The following CRMP1 variants were observed in gnomAD, a reference collection of about 807,000 sequenced individuals.
The protein encoded by CRMP1 is collapsin response mediator protein 1.
A neutral mutation model predicts 68.3 loss-of-function variants in CRMP1; 19 were observed. That is an observed-to-expected ratio of 0.28 (90% CI 0.19 to 0.41). CRMP1 has a LOEUF of 0.41. CRMP1 is among the 10% of genes least tolerant of loss of function. The pLI, the probability that CRMP1 is intolerant of heterozygous loss-of-function variation, is 1.00. For missense variants in CRMP1, 791 were observed against 967.4 expected, an observed-to-expected ratio of 0.82 and a Z score of 2.42; for synonymous variants, 439 against 399.6, an observed-to-expected ratio of 1.10 and a Z score of -1.18.
intron 11 of CRMP1, among the ~76,000 whole-genome samples, chr4:5,829,388 C>G (rs906508794): frequency 6.6e-6 from 1 of 151,904 alleles, no homozygotes; most frequent in Non-Finnish European, 1.5e-5. Flanking sequence ...GACTCTGTCT[C>G]CAGAAAAAAA....
rs933697324 is a variant in CRMP1 at position 5,893,053 on chromosome 4, C to G, written c.-84G>C. On this transcript the variant is annotated 5_prime_UTR_variant, in exon 1 of 14. Transcript: ENST00000324989. The stretch of plus-strand genomic sequence containing the variant: ...CCGCCGTGCGCCGCGCTCCGCGCCT[C>G]GGTGCGGGCCTGCGGCGGCCCGGGC... 25 of 927,418 alleles carry G rather than the reference C, an allele frequency of 2.7e-5. No homozygotes were observed. Among genetic ancestry groups the G allele is most frequent in the South Asian group, 4.9e-5 (1 of 20,606 alleles). 57.4% of individuals were successfully genotyped at this position (927,418 alleles called of 1,614,324 possible).
At position 5,865,465 on chromosome 4, in the gene CRMP1, C is replaced by A. The variant is rs1042223420; in HGVS notation, c.470+1203G>T. Among the ~76,000 whole-genome samples, 3 of 151,676 alleles carry A rather than the reference C, an allele frequency of 2.0e-5. No individual in the cohort carries two copies. The highest frequency in any genetic ancestry group is 4.4e-5 in the Non-Finnish European group (3 of 67,882). On this transcript the variant is annotated intron_variant, in intron 2 of 13. Coordinates refer to ENST00000324989, the MANE Select transcript of CRMP1 (RefSeq NM_001014809.3). The surrounding 1 kb of genome is among the most constrained non-coding windows in gnomAD (Gnocchi z 4.1). ...TGAAACCCCCGTCTCTACTAAAATG[C>A]AAAAAAGTAGCGGGGCATGGTGATG...
chr4:5,840,913 C>T (rs887862799), intron 8 of CRMP1, among the ~76,000 whole-genome samples: 2 of 152,206 alleles, frequency 1.3e-5, no homozygotes, highest in South Asian at 2.1e-4. Flanking sequence ...AGTCCTGAGC[C>T]GCATGTGGCC....
chr4:5,840,903 A>G (rs1400500712), intron 8 of CRMP1, among the ~76,000 whole-genome samples: 1 of 152,192 alleles, frequency 6.6e-6, no homozygotes, highest in Non-Finnish European at 1.5e-5. Context: ...CCAATAAGGC[A>G]GTCCTGAGCC....
At position 5,865,911 on chromosome 4, in the gene CRMP1, G is replaced by C. The variant is rs890768560; in HGVS notation, c.470+757C>G. Among the ~76,000 whole-genome samples, 1 of 152,116 alleles carries C rather than the reference G, an allele frequency of 6.6e-6. No individual in the cohort carries two copies. The highest frequency in any genetic ancestry group is 1.5e-5 in the Non-Finnish European group (1 of 68,018). Reference sequence around the variant, plus strand: ...GCCAGAAGGTGGTGTCTGCAAGCCAGAAGGTGGTGTCTGCAAGCCAAGGAA... The same window carrying C: ...GCCAGAAGGTGGTGTCTGCAAGCCACAAGGTGGTGTCTGCAAGCCAAGGAA... On this transcript the variant is annotated intron_variant, in intron 2 of 13. Transcript: ENST00000324989. The surrounding 1 kb of genome is among the most constrained non-coding windows in gnomAD (Gnocchi z 4.1).
intron 9 of CRMP1, 65 bp from the exon 10 acceptor site, chr4:5,836,971 A>T: frequency 6.5e-7 from 1 of 1,530,334 alleles, no homozygotes; most frequent in Admixed American, 1.9e-5. Flanking sequence ...TCCTGACTTC[A>T]GACAGGTACA....
At position 5,861,238 on chromosome 4, in the gene CRMP1, G is replaced by C. The variant is rs780542513; in HGVS notation, c.471-28C>G. On this transcript the variant is annotated intron_variant, in intron 2 of 13. Coordinates refer to ENST00000324989, the MANE Select transcript of CRMP1 (RefSeq NM_001014809.3). The surrounding 1 kb of genome is among the most constrained non-coding windows in gnomAD (Gnocchi z 6.0). Reference sequence around the variant, plus strand: ...GGAGGCAAACAACAGAGACAGCCTTGGTTCTTAAAGGAAAAGTAGAATGGG... The same window carrying C: ...GGAGGCAAACAACAGAGACAGCCTTCGTTCTTAAAGGAAAAGTAGAATGGG... 1.5e-5 allele frequency: 24 copies of C among 1,601,020 alleles called. No homozygotes were observed. In the African/African-American group the frequency reaches 3.0e-4, roughly 20 times the overall value.
rs1714390979 is a variant in CRMP1, at chr4:5,870,902, T to C, written c.382-4146A>G. 6.6e-6 allele frequency among the ~76,000 whole-genome samples: 1 copy of C among 151,956 alleles called. No individual in the cohort carries two copies. The highest frequency in any genetic ancestry group is 1.5e-5 in the Non-Finnish European group (1 of 67,998). ...TTCCCCGGCTCCAGAACAGGAAACA[T>C]AAGTCACCAGCAGCTGGTGCATGGC... On this transcript the variant is annotated intron_variant, in intron 1 of 13. Coordinates refer to ENST00000324989, the MANE Select transcript of CRMP1 (RefSeq NM_001014809.3). This position sits in a 1 kb window ranked among gnomAD's most constrained non-coding sequence, Gnocchi z 6.0.
chr4:5,888,116 A>T lies in CRMP1; in HGVS notation c.381+4473T>A. The T allele has an allele frequency of 8.6e-7, 1 of 1,161,332 alleles. No individual in the cohort carries two copies. The highest frequency in any genetic ancestry group is 1.1e-6 in the Non-Finnish European group (1 of 928,656). 71.9% of individuals were successfully genotyped at this position (1,161,332 alleles called of 1,614,324 possible). ...GGCCCCGCCCCACCCGCGGCGACGC[A>T]GGAGGCCTCGGGGGGCGCCCCTGCC... is the stretch of plus-strand genomic sequence containing the variant. On this transcript the variant is annotated intron_variant, in intron 1 of 13. Transcript: ENST00000324989. The surrounding 1 kb of genome is among the most constrained non-coding windows in gnomAD (Gnocchi z 6.4).
rs1214478643 is a variant in CRMP1, at chr4:5,825,889, A to AC, written c.1804-231_1804-230insG. 1.2e-5 allele frequency: 6 copies of AC among 513,666 alleles called. No individual in the cohort carries two copies. Among genetic ancestry groups the AC allele is most frequent in the African/African-American group, 6.1e-5 (3 of 49,244 alleles). 31.8% of individuals were successfully genotyped at this position (513,666 alleles called of 1,614,324 possible). ...CACACACATCTACATACCCACATGCATACACATACAGACGCACACACCACG... is the reference window on the plus strand; with the variant it reads ...CACACACATCTACATACCCACATGCACTACACATACAGACGCACACACCACG... On this transcript the variant is annotated intron_variant, in intron 12 of 13. Transcript: ENST00000324989. The surrounding 1 kb of genome is among the most constrained non-coding windows in gnomAD (Gnocchi z 4.4).
chr4:5,826,316 G>A (rs1379686551), intron 12 of CRMP1: 1 of 152,910 alleles, frequency 6.5e-6, no homozygotes, highest in Non-Finnish European at 1.5e-5. Context: ...CAAAGATTCG[G>A]GGGGCAGATA....
intron 8 of CRMP1, among the ~76,000 whole-genome samples, chr4:5,840,660 G>A (rs59621730): frequency 0.33 from 49,838 of 152,100 alleles, 8,912 homozygotes; most frequent in African/African-American, 0.46. Context: ...TTTAAATTTA[G>A]ATAGCCACGT....
chr4:5,889,694 A>T lies in CRMP1; in HGVS notation c.381+2895T>A. ...CCCCACAGGTCCTATGAAACTACTCATCTTTTCTGCTTTCAAGTTGCCATC... is the reference window on the plus strand; with the variant it reads ...CCCCACAGGTCCTATGAAACTACTCTTCTTTTCTGCTTTCAAGTTGCCATC... On this transcript the variant is annotated intron_variant, in intron 1 of 13. Coordinates refer to ENST00000324989, the MANE Select transcript of CRMP1 (RefSeq NM_001014809.3). The surrounding 1 kb of genome is among the most constrained non-coding windows in gnomAD (Gnocchi z 4.5). 1 of 1,535,906 alleles carries T rather than the reference A, an allele frequency of 6.5e-7. No individual in the cohort carries two copies. Among genetic ancestry groups the T allele is most frequent in the Non-Finnish European group, 8.7e-7 (1 of 1,146,806 alleles).
At chr4:5,887,596 G>T (rs1041635689) in intron 1 of CRMP1, 3 of 984,886 alleles carry the variant, frequency 3.0e-6, no homozygotes, top group Non-Finnish European at 2.4e-6. Flanking sequence ...CCACCCTCTC[G>T]CGGCCCAGCG....
chr4:5,827,789 A>G (rs888438596), intron 12 of CRMP1, among the ~76,000 whole-genome samples: 1 of 152,046 alleles, frequency 6.6e-6, no homozygotes, highest in South Asian at 2.1e-4. Context: ...CAGCTGTCTC[A>G]TGGGGAAAGC....
chr4:5,887,222 C>T lies in CRMP1; in HGVS notation c.381+5367G>A, dbSNP rs140992980. 5.8e-4 allele frequency among the ~76,000 whole-genome samples: 89 copies of T among 152,368 alleles called. 1 individual carries two copies. In the East Asian group the frequency reaches 9.7e-3, roughly 17 times the overall value. On this transcript the variant is annotated intron_variant, in intron 1 of 13. Coordinates refer to ENST00000324989, the MANE Select transcript of CRMP1 (RefSeq NM_001014809.3). ...AGGTGAGTGCAAGTGTCAATACCTC[C>T]GCCTACCTAAGGCTGCCCTCTGGCA...
At position 5,888,895 on chromosome 4, in the gene CRMP1, C is replaced by G. The variant is rs892269713; in HGVS notation, c.381+3694G>C. 6.6e-6 allele frequency among the ~76,000 whole-genome samples: 1 copy of G among 151,960 alleles called. No individual in the cohort carries two copies. Among genetic ancestry groups the G allele is most frequent in the Non-Finnish European group, 1.5e-5 (1 of 67,976 alleles). ...CAAGCTGCTGGGAACGTTCTTGTCC[C>G]TCCAGGATCGCGCCCAAGGACCGCT... is the stretch of plus-strand genomic sequence containing the variant. On this transcript the variant is annotated intron_variant, in intron 1 of 13. Transcript: ENST00000324989. The surrounding 1 kb of genome is among the most constrained non-coding windows in gnomAD (Gnocchi z 6.4).
intron 1 of CRMP1, among the ~76,000 whole-genome samples, chr4:5,868,562 A>G (rs1714213440): frequency 1.3e-5 from 2 of 151,878 alleles, no homozygotes; most frequent in Non-Finnish European, 2.9e-5. Context: ...TGGCCTCCCA[A>G]AGTGCTGGGA....
rs1400609320 is a variant in CRMP1, at chr4:5,888,328, G to A, written c.381+4261C>T. On this transcript the variant is annotated intron_variant, in intron 1 of 13. Transcript: ENST00000324989. This position sits in a 1 kb window ranked among gnomAD's most constrained non-coding sequence, Gnocchi z 6.4. ...GCGGGGCTGTCTGACTGGAACCGGC[G>A]CTCTCGGCCCCGCTCCCAGCGGGCG... is the stretch of plus-strand genomic sequence containing the variant. 2 of 1,241,226 alleles carry A rather than the reference G, an allele frequency of 1.6e-6. No homozygotes were observed. The highest frequency in any genetic ancestry group is 2.0e-6 in the Non-Finnish European group (2 of 987,686). The allele number at this position is 1,241,226 out of a possible 1,614,324, so 76.9% of individuals were successfully genotyped here.
Sources: allele counts gnomAD v4.1 joint callset (sites outside exome capture counted in the v4.1 genomes callset), GRCh38; gene constraint gnomAD v4.1.1; non-coding constraint Gnocchi (gnomAD v3.1); transcripts MANE v1.5; gene names NCBI Gene and HGNC (gene_info 2026-07-23, HGNC 2026-07-21).